The following PDE4D variants were observed in gnomAD, a reference collection of about 807,000 sequenced individuals.
PDE4D encodes phosphodiesterase 4D.
A neutral mutation model predicts 87.4 loss-of-function variants in PDE4D; 24 were observed. The observed-to-expected ratio is 0.27, with a 90% CI of 0.20 to 0.39. The LOEUF is 0.39. PDE4D is among the 10% of genes least tolerant of loss of function. The probability of loss-of-function intolerance (pLI) is 1.00; values close to 1 mark genes in which losing one functional copy is unlikely to be tolerated. For missense variants in PDE4D, 714 were observed against 1,041.0 expected, an observed-to-expected ratio of 0.69 and a Z score of 4.32; for synonymous variants, 384 against 383.2, an observed-to-expected ratio of 1.00 and a Z score of -0.02.
intron 5 of PDE4D, among the ~76,000 whole-genome samples, chr5:59,141,532 G>C (rs1777885815): frequency 6.6e-6 from 1 of 152,202 alleles, no homozygotes; most frequent in Admixed American, 6.5e-5. Flanking sequence ...GAGCCAACCA[G>C]GTGAGGCTCC....
intron 1 of PDE4D, chr5:60,521,384 C>T (rs1751032794): frequency 1.3e-5 from 2 of 152,166 alleles, no homozygotes; most frequent in Non-Finnish European, 2.9e-5. Context: ...ATTCAATTGT[C>T]GATGTGATCG....
At chr5:60,487,971 T>A (rs1263350680) in exon 1 of PDE4D, 1 of 152,572 alleles carries the variant, frequency 6.6e-6, no homozygotes, top group Non-Finnish European at 1.5e-5. Context: ...GTCAGCTATT[T>A]AGGACAGAAA....
chr5:59,655,337 A>G (rs958979709), intron 1 of PDE4D, among the ~76,000 whole-genome samples: 6 of 152,198 alleles, frequency 3.9e-5, no homozygotes, highest in Non-Finnish European at 8.8e-5. Flanking sequence ...TGTTCCAAAT[A>G]TTGCCAATAA....
intron 1 of PDE4D, among the ~76,000 whole-genome samples, chr5:59,445,671 C>T (rs1224764964): frequency 6.6e-6 from 1 of 152,152 alleles, no homozygotes; most frequent in East Asian, 1.9e-4. Context: ...TAGTTTAAAT[C>T]CAGTCTTAAT....
chr5:60,346,430 G>T (rs998150559), intron 1 of PDE4D, among the ~76,000 whole-genome samples: 1 of 152,148 alleles, frequency 6.6e-6, no homozygotes, highest in East Asian at 1.9e-4. Context: ...AAAGTATTCA[G>T]ATGCTGTTCT....
At chr5:59,632,967 G>C (rs951194763) in intron 1 of PDE4D, among the ~76,000 whole-genome samples, 1 of 152,168 alleles carries the variant, frequency 6.6e-6, no homozygotes, top group African/African-American at 2.4e-5. Flanking sequence ...CTAACCTAAT[G>C]CAAGGAAGCT....
Position 59,553,300 on chromosome 5 carries a change from C to A in PDE4D, c.456-337332G>T, listed in dbSNP as rs12656132. 3.8e-4 allele frequency among the ~76,000 whole-genome samples: 58 copies of A among 152,202 alleles called. No homozygotes were observed. In the East Asian group the frequency reaches 7.9e-3, roughly 21 times the overall value. On this transcript the variant is annotated intron_variant, in intron 1 of 14. Transcript: ENST00000340635. The stretch of plus-strand genomic sequence containing the variant: ...TCTCATTCTCTCTCACCACAGAAAG[C>A]TGGGAAAGGCATTTTAGGAGGTGAG...
intron 1 of PDE4D, among the ~76,000 whole-genome samples, chr5:59,237,996 C>T (rs1162058864): frequency 6.6e-6 from 1 of 152,010 alleles, no homozygotes; most frequent in East Asian, 1.9e-4. Flanking sequence ...GATTTTAATC[C>T]TCTCTCATCT....
chr5:59,366,470 G>C (rs571200239), intron 1 of PDE4D, among the ~76,000 whole-genome samples: 8 of 152,220 alleles, frequency 5.3e-5, no homozygotes, highest in Admixed American at 3.3e-4. Context: ...CAACCATGAA[G>C]TTTTATTCCA....
chr5:60,141,935 G>C (rs1237776376), intron 2 of PDE4D, among the ~76,000 whole-genome samples: 3 of 151,948 alleles, frequency 2.0e-5, no homozygotes, highest in Non-Finnish European at 4.4e-5. Context: ...AAAAATATAG[G>C]ATAATTTAAG....
chr5:59,811,990 C>A (rs985114159), intron 1 of PDE4D, among the ~76,000 whole-genome samples: 1 of 152,170 alleles, frequency 6.6e-6, no homozygotes, highest in Non-Finnish European at 1.5e-5. Context: ...GAGCCTAGCG[C>A]GAGGAAAGTG....
chr5:59,912,668 T>C (rs1397382699), intron 3 of PDE4D, among the ~76,000 whole-genome samples: 2 of 152,126 alleles, frequency 1.3e-5, no homozygotes, highest in African/African-American at 2.4e-5. Context: ...AATACAAATA[T>C]GAAAAGTAAC....
At chr5:59,226,480 C>T (rs1753799227) in intron 1 of PDE4D, among the ~76,000 whole-genome samples, 1 of 152,024 alleles carries the variant, frequency 6.6e-6, no homozygotes, top group Non-Finnish European at 1.5e-5. Context: ...ATGGTGGTTG[C>T]TGGGCCTGGG....
chr5:59,370,593 AT>A (rs544881348), intron 1 of PDE4D, among the ~76,000 whole-genome samples: 1 of 152,038 alleles, frequency 6.6e-6, no homozygotes, highest in Non-Finnish European at 1.5e-5. Flanking sequence ...CTCTGCACTA[AT>A]TTTTTTCATA....
intron 5 of PDE4D, among the ~76,000 whole-genome samples, chr5:59,044,438 G>A (rs1760273851): frequency 6.6e-6 from 1 of 152,152 alleles, no homozygotes; most frequent in South Asian, 2.1e-4. Context: ...TTTCCCCTTT[G>A]TTCTACGGAA....
chr5:59,811,574 C>T (rs1768352018), intron 1 of PDE4D, among the ~76,000 whole-genome samples: 1 of 152,198 alleles, frequency 6.6e-6, no homozygotes, highest in Admixed American at 6.5e-5. Flanking sequence ...AGCCTCTCTC[C>T]ATGAGCTCAG....
At chr5:60,245,942 T>G (rs1387941053) in intron 1 of PDE4D, among the ~76,000 whole-genome samples, 2 of 151,900 alleles carry the variant, frequency 1.3e-5, no homozygotes, top group South Asian at 4.1e-4. Context: ...TTGGATTGTT[T>G]GTAACACAAA....
chr5:60,331,344 G>T (rs992965472), intron 1 of PDE4D, among the ~76,000 whole-genome samples: 5 of 152,180 alleles, frequency 3.3e-5, no homozygotes, highest in Non-Finnish European at 5.9e-5. Context: ...GGTAACATAT[G>T]CAACGCACCT....
chr5:60,423,181 G>C (rs368513752), intron 1 of PDE4D, among the ~76,000 whole-genome samples: 8 of 152,158 alleles, frequency 5.3e-5, no homozygotes, highest in African/African-American at 1.9e-4. Flanking sequence ...ACTCAGCTCC[G>C]CAACAAGCGG....
Sources: allele counts gnomAD v4.1 joint callset (sites outside exome capture counted in the v4.1 genomes callset), GRCh38; gene constraint gnomAD v4.1.1; transcripts MANE v1.5; gene names NCBI Gene and HGNC (gene_info 2026-07-23, HGNC 2026-07-21).